CSMD1: variants seen among roughly 807,000 people sequenced by gnomAD.
The protein encoded by CSMD1 is CUB and Sushi multiple domains 1, also known as CUB and sushi domain-containing protein 1.
CSMD1 carries 213 observed loss-of-function variants against 417.5 expected under a neutral mutation model. The ratio of observed to expected loss-of-function variants is 0.51; its 90% CI spans 0.46 to 0.57. CSMD1 has a LOEUF of 0.57. Ranked by LOEUF, CSMD1 falls within the 20% of genes least tolerant of loss-of-function variation. CSMD1 has a pLI of 0.00. For missense variants in CSMD1, 6,923 were observed against 4,529.7 expected, an observed-to-expected ratio of 1.53 and a Z score of -15.17; for synonymous variants, 2,862 against 1,736.8, an observed-to-expected ratio of 1.65 and a Z score of -16.11.
chr8:4,228,985 G>A (rs892407875), intron 3 of CSMD1, among the ~76,000 whole-genome samples: 1 of 152,204 alleles, frequency 6.6e-6, no homozygotes, highest in East Asian at 1.9e-4. Flanking sequence ...TGATTTTAAA[G>A]CGCGAACCTG....
At chr8:4,069,938 T>C (rs1204120787) in intron 3 of CSMD1, among the ~76,000 whole-genome samples, 6 of 152,186 alleles carry the variant, frequency 3.9e-5, no homozygotes, top group Non-Finnish European at 8.8e-5. Flanking sequence ...AATTGCAGTA[T>C]TATTTTTTCT....
At chr8:3,414,884 G>C (rs886629018) in intron 12 of CSMD1, among the ~76,000 whole-genome samples, 1 of 151,980 alleles carries the variant, frequency 6.6e-6, no homozygotes, top group African/African-American at 2.4e-5. Context: ...GCTTGCTCGG[G>C]GATGGCCTGT....
chr8:3,260,900 T>C (rs1801010729), intron 26 of CSMD1, among the ~76,000 whole-genome samples: 1 of 152,092 alleles, frequency 6.6e-6, no homozygotes. Context: ...GCCACGTATC[T>C]GACAACAGAC....
chr8:4,593,685 C>G (rs146719281), intron 2 of CSMD1, among the ~76,000 whole-genome samples: 1 of 152,250 alleles, frequency 6.6e-6, no homozygotes, highest in East Asian at 1.9e-4. Flanking sequence ...GTTACTACTT[C>G]CATGTAATAA....
At chr8:3,065,758 T>C (rs774070552) in intron 49 of CSMD1, among the ~76,000 whole-genome samples, 16 of 152,082 alleles carry the variant, frequency 1.1e-4, no homozygotes, top group Non-Finnish European at 2.1e-4. Context: ...TCTCAAAATA[T>C]AAAAGGAAAA....
intron 5 of CSMD1, among the ~76,000 whole-genome samples, chr8:3,784,498 T>C (rs1476177849): frequency 1.3e-5 from 2 of 152,206 alleles, no homozygotes; most frequent in Non-Finnish European, 1.5e-5. Flanking sequence ...GGCACTTATT[T>C]TTGGACTTGC....
intron 5 of CSMD1, among the ~76,000 whole-genome samples, chr8:3,970,818 T>C (rs1293747699): frequency 6.6e-6 from 1 of 152,100 alleles, no homozygotes. Flanking sequence ...AGGGGCACCA[T>C]CTGTCTCACT....
At chr8:4,663,496 C>A (rs1433847079) in intron 1 of CSMD1, among the ~76,000 whole-genome samples, 1 of 152,114 alleles carries the variant, frequency 6.6e-6, no homozygotes, top group Non-Finnish European at 1.5e-5. Context: ...ATCATGGGCA[C>A]AGATATTCCC....
chr8:3,601,764 A>G (rs4279620), intron 8 of CSMD1, among the ~76,000 whole-genome samples: 1 of 152,090 alleles, frequency 6.6e-6, no homozygotes, highest in Non-Finnish European at 1.5e-5. Flanking sequence ...TTTGGGGACC[A>G]TTCTCCCTGC....
intron 10 of CSMD1, among the ~76,000 whole-genome samples, chr8:3,520,521 C>A (rs1797463974): frequency 6.6e-6 from 1 of 152,156 alleles, no homozygotes; most frequent in African/African-American, 2.4e-5. Flanking sequence ...AATTTTATAT[C>A]ATGTTTTAGC....
chr8:4,113,390 C>CT (rs59647790), intron 3 of CSMD1, among the ~76,000 whole-genome samples: 7,458 of 81,084 alleles, frequency 0.092, 711 homozygotes, highest in Middle Eastern at 0.19. Flanking sequence ...AATAAAAGGG[C>CT]TTTTTTTTTT....
intron 5 of CSMD1, among the ~76,000 whole-genome samples, chr8:3,795,375 A>C (rs188535518): frequency 0.092 from 4,075 of 44,320 alleles, 1,699 homozygotes; most frequent in Admixed American, 0.22. Flanking sequence ...ATATAGATAT[A>C]TATCATGTAT....
intron 2 of CSMD1, among the ~76,000 whole-genome samples, chr8:4,583,642 G>C (rs1401614241): frequency 6.6e-6 from 1 of 152,154 alleles, no homozygotes; most frequent in Non-Finnish European, 1.5e-5. Flanking sequence ...GAGAACCTTT[G>C]TGTCCACACT....
At chr8:4,946,074 C>G (rs1448959862) in intron 1 of CSMD1, among the ~76,000 whole-genome samples, 1 of 152,030 alleles carries the variant, frequency 6.6e-6, no homozygotes, top group Non-Finnish European at 1.5e-5. Context: ...CCGCTGGCAA[C>G]GAAAGTCCAC....
Position 3,367,264 on chromosome 8 carries a change from G to A in CSMD1, c.2900-17C>T, listed in dbSNP as rs545602682. The A allele has an allele frequency of 1.3e-6, 2 of 1,576,348 alleles. No individual in the cohort carries two copies. The highest frequency in any genetic ancestry group is 1.3e-5 in the African/African-American group (1 of 74,162). On this transcript the variant is annotated splice_polypyrimidine_tract_variant and intron_variant, in intron 19 of 69. Transcript: ENST00000635120. ...TTTGAACTCCTGAGAAATGAAGCCGGGGGAGAGAGAGAGAGACAGAGAGAG... is the reference window on the plus strand; with the variant it reads ...TTTGAACTCCTGAGAAATGAAGCCGAGGGAGAGAGAGAGAGACAGAGAGAG...
intron 2 of CSMD1, among the ~76,000 whole-genome samples, chr8:4,451,989 GAT>G (rs900990397): frequency 6.7e-6 from 1 of 149,280 alleles, no homozygotes; most frequent in Non-Finnish European, 1.5e-5. Flanking sequence ...CATATAGTTT[GAT>G]ATATATATAA....
chr8:4,188,122 G>A (rs1341206139), intron 3 of CSMD1, among the ~76,000 whole-genome samples: 6 of 152,186 alleles, frequency 3.9e-5, no homozygotes, highest in Admixed American at 2.0e-4. Context: ...AAAAACATAG[G>A]TTTTAAGGTA....
rs183707464 is a variant in CSMD1 at position 4,202,836 on chromosome 8, G to A, written c.416-170737C>T. ...CCTAGAAAAAGAGGGCAGTGAAGCT[G>A]AAACTTGAAACATCAAATGCAGGTA... is the stretch of plus-strand genomic sequence containing the variant. On this transcript the variant is annotated intron_variant, in intron 3 of 69. Transcript: ENST00000635120. Among the ~76,000 whole-genome samples, 4 of 152,196 alleles carry A rather than the reference G, an allele frequency of 2.6e-5. No homozygotes were observed. In the East Asian group the frequency reaches 7.7e-4, roughly 29 times the overall value.
At chr8:3,987,609 T>C (rs1814429793) in intron 5 of CSMD1, among the ~76,000 whole-genome samples, 3 of 152,120 alleles carry the variant, frequency 2.0e-5, no homozygotes, top group Non-Finnish European at 4.4e-5. Context: ...CTAAGGCCAA[T>C]TCTGAGAACT....
Sources: allele counts gnomAD v4.1 joint callset (sites outside exome capture counted in the v4.1 genomes callset), GRCh38; gene constraint gnomAD v4.1.1; transcripts MANE v1.5; gene names NCBI Gene and HGNC (gene_info 2026-07-23, HGNC 2026-07-21).